SYNE2: variants seen among roughly 807,000 people sequenced by gnomAD.
SYNE2 encodes the protein spectrin repeat containing nuclear envelope protein 2, also known as nesprin-2.
A neutral mutation model predicts 856.3 loss-of-function variants in SYNE2; 431 were observed. The observed-to-expected ratio is 0.50, with a 90% CI of 0.47 to 0.55. The LOEUF (loss-of-function observed/expected upper bound fraction) is 0.55, where lower values mean the gene tolerates loss of function less well. SYNE2 is among the 20% of genes least tolerant of loss of function. The pLI is 0.00. For synonymous variants in SYNE2, 2,923 were observed against 2,872.3 expected, an observed-to-expected ratio of 1.02 and a Z score of -0.56; for missense variants, 8,129 against 8,023.2, an observed-to-expected ratio of 1.01 and a Z score of -0.50.
intron 65 of SYNE2, among the ~76,000 whole-genome samples, chr14:64,108,917 C>G (rs2097788072): frequency 6.6e-6 from 1 of 152,028 alleles, no homozygotes; most frequent in Non-Finnish European, 1.5e-5. Flanking sequence ...ACTCTTCACC[C>G]AGGCTGGAGT....
In SYNE2 at chr14:64,132,292, A is replaced by G. The variant is rs2098030322; in HGVS notation, c.14368A>G (p.Met4790Val). The change falls in exon 77 of 116, where the codon ATG becomes GTG. Residue 4790 changes from methionine to valine, a missense_variant. Met to Val is a conservative substitution (Grantham distance 21). Around this residue, in one of 3 missense-constraint regions of SYNE2, gnomAD observed 5,410 missense variants for 5,284.8 expected, o/e 1.02. Coordinates refer to ENST00000555002, the MANE Select transcript of SYNE2 (RefSeq NM_182914.3). Reference protein sequence around the residue: ...KVFFQKLVADMLLIQAYSAKI... With the variant: ...KVFFQKLVADVLLIQAYSAKI... The stretch of plus-strand genomic sequence containing the variant: ...TTTTTTCCAGAAGCTTGTTGCTGAC[A>G]TGTTGTTGATCCAAGCATACTCTGC... 4 of 1,613,850 alleles carry G rather than the reference A, an allele frequency of 2.5e-6. No homozygotes were observed. The highest frequency in any genetic ancestry group is 1.7e-4 in the Middle Eastern group (1 of 5,788).
At chr14:64,008,323 C>T (rs186563566) in intron 31 of SYNE2, among the ~76,000 whole-genome samples, 4 of 152,288 alleles carry the variant, frequency 2.6e-5, no homozygotes, top group East Asian at 1.9e-4. Flanking sequence ...TGTGAGGTAA[C>T]ATGTAAGGTA....
chr14:63,853,540 C>T (rs976497980), intron 1 of SYNE2, among the ~76,000 whole-genome samples: 1 of 151,684 alleles, frequency 6.6e-6, no homozygotes, highest in Non-Finnish European at 1.5e-5. Flanking sequence ...CCCCGGCCCT[C>T]GGGGGCCGCT....
intron 76 of SYNE2, among the ~76,000 whole-genome samples, chr14:64,131,481 C>T (rs949361183): frequency 2.0e-5 from 3 of 152,308 alleles, no homozygotes; most frequent in Admixed American, 1.3e-4. Flanking sequence ...ACCTGTCTTT[C>T]GAATATGTGG....
chr14:64,104,506 G>C (rs1332123176), intron 64 of SYNE2, among the ~76,000 whole-genome samples: 5 of 146,102 alleles, frequency 3.4e-5, no homozygotes, highest in Non-Finnish European at 6.0e-5. Context: ...CTGGAGTGCA[G>C]TGGTGCGATC....
chr14:63,962,270 GGTCTC>G (rs2096329181), intron 9 of SYNE2, among the ~76,000 whole-genome samples: 1 of 151,894 alleles, frequency 6.6e-6, no homozygotes, highest in African/African-American at 2.4e-5. Context: ...TGGCCAGGCT[GGTCTC>G]GAACCCCTGA....
intron 1 of SYNE2, among the ~76,000 whole-genome samples, chr14:63,837,754 C>CA (rs1307512475): frequency 6.6e-6 from 1 of 150,684 alleles, no homozygotes. Context: ...CCTGTCTCTA[C>CA]AAAAAAATGT....
rs2097230479 is a variant in SYNE2 at position 64,051,925 on chromosome 14, A to G, written c.8012A>G (p.Asp2671Gly). The G allele has an allele frequency of 6.2e-7, 1 of 1,613,740 alleles. No individual in the cohort carries two copies. The highest frequency in any genetic ancestry group is 8.5e-7 in the Non-Finnish European group (1 of 1,180,036). ...GNQSMIALTT[D>G]LQATKHGFSV... is the part of the protein sequence containing the mutation. ...CAAAGCATGATTGCCTTGACCACTG[A>G]CCTCCAGGCTACCAAGCATGGATTT... The change falls in exon 48 of 116, where the codon GAC (aspartate) becomes GGC (glycine). Residue 2671 changes from aspartate (D) to glycine (G), a missense_variant. Asp to Gly is a moderately conservative substitution (Grantham distance 94, BLOSUM62 -1). Transcript: ENST00000555002.
intron 105 of SYNE2, 147 bp from the exon 106 acceptor site, chr14:64,214,047 C>A: frequency 8.3e-7 from 1 of 1,210,554 alleles, no homozygotes; most frequent in Non-Finnish European, 1.1e-6. Flanking sequence ...AGAAACAGGA[C>A]CTGGGAACCT....
At chr14:63,835,808 AC>A (rs535046015) in intron 1 of SYNE2, among the ~76,000 whole-genome samples, 22 of 151,702 alleles carry the variant, frequency 1.5e-4, no homozygotes, top group African/African-American at 5.1e-4. Flanking sequence ...ACATGGAGAA[AC>A]CCCGTCTCTA....
intron 1 of SYNE2, among the ~76,000 whole-genome samples, chr14:63,855,754 C>T (rs965366764): frequency 2.0e-5 from 3 of 152,204 alleles, no homozygotes; most frequent in African/African-American, 7.2e-5. Context: ...CTGTCTTTTT[C>T]GGGAGATTTT....
chr14:64,129,008 G>A (rs2097981316), intron 74 of SYNE2, among the ~76,000 whole-genome samples: 1 of 152,246 alleles, frequency 6.6e-6, no homozygotes, highest in African/African-American at 2.4e-5. Context: ...TAAGACAAGT[G>A]CATAAAGATA....
At chr14:63,964,051 C>A (rs77605333) in intron 10 of SYNE2, 51 bp downstream of exon 10, 7 of 1,152,344 alleles carry the variant, frequency 6.1e-6, no homozygotes, top group African/African-American at 3.1e-5. Context: ...AAGAGTTGAG[C>A]GTAAGTATGT....
At chr14:64,037,630 C>T (rs951778898) in intron 45 of SYNE2, among the ~76,000 whole-genome samples, 14 of 151,406 alleles carry the variant, frequency 9.2e-5, no homozygotes, top group Non-Finnish European at 2.1e-4. Context: ...ATGGCCCGTT[C>T]TCAATGAGCT....
rs951388555 is a variant in SYNE2 at position 64,052,864 on chromosome 14, T to C, written c.8951T>C (p.Leu2984Pro). 6.2e-7 allele frequency: 1 copy of C among 1,613,842 alleles called. No individual in the cohort carries two copies. The highest frequency in any genetic ancestry group is 1.3e-5 in the African/African-American group (1 of 75,052). Residue 2984 changes from leucine (L) to proline (P), a missense_variant, in exon 48 of 116, where the codon CTT (leucine) becomes CCT (proline). Around this residue, in one of 3 missense-constraint regions of SYNE2, gnomAD observed 5,410 missense variants for 5,284.8 expected, o/e 1.02. Coordinates refer to ENST00000555002, the MANE Select transcript of SYNE2 (RefSeq NM_182914.3). ...NKGVKEEIYN[L>P]KDRLTAIKCC... The stretch of plus-strand genomic sequence containing the variant: ...GGTGTTAAAGAGGAGATCTATAATC[T>C]TAAAGACAGACTCACCGCTATTAAG...
intron 65 of SYNE2, among the ~76,000 whole-genome samples, chr14:64,109,319 C>T (rs1437918923): frequency 6.6e-6 from 1 of 151,498 alleles, no homozygotes; most frequent in Non-Finnish European, 1.5e-5. Flanking sequence ...AAAATACTTA[C>T]TGAACATTTA....
At chr14:63,766,865 G>C (rs1447270052) in intron 1 of SYNE2, among the ~76,000 whole-genome samples, 1 of 152,102 alleles carries the variant, frequency 6.6e-6, no homozygotes, top group African/African-American at 2.4e-5. Context: ...AGTGAATGAC[G>C]TTGGGATTGA....
Position 64,210,008 on chromosome 14 carries a change from C to T in SYNE2, c.18607C>T (p.Leu6203=). The T allele has an allele frequency of 2.5e-6, 4 of 1,614,156 alleles. No homozygotes were observed. The highest frequency in any genetic ancestry group is 3.4e-6 in the Non-Finnish European group (4 of 1,180,046). The change falls in exon 103 of 116, where the codon CTG becomes TTG. Residue 6203 remains leucine (L), a synonymous_variant. Transcript: ENST00000555002. ...LELINKQYRR[L]ARENRTDTAS... ...GCTCATCAACAAGCAGTACCGGCGG[C>T]TGGCCCGGGAGAACCGCACAGACAC...
rs777030635 is a variant in SYNE2, at chr14:64,167,237, A to G, written c.16610A>G (p.His5537Arg). 3 of 1,614,216 alleles carry G rather than the reference A, an allele frequency of 1.9e-6. No individual in the cohort carries two copies. In the African/African-American group the frequency reaches 4.0e-5, roughly 22 times the overall value. Residue 5537 changes from histidine (H) to arginine (R), a missense_variant, in exon 91 of 116, where the codon CAT becomes CGT. Physicochemically the swap from His to Arg is conservative, Grantham distance 29 (BLOSUM62 0). Around this residue, in one of 3 missense-constraint regions of SYNE2, gnomAD observed 5,410 missense variants for 5,284.8 expected, o/e 1.02. Coordinates refer to ENST00000555002, the MANE Select transcript of SYNE2 (RefSeq NM_182914.3). ...ACTTCAATTTTTTAAAAATAGAATC[A>G]TGTGCTGGCACTGACAGCCCAATCA... ...EKENPDSFLN[H>R]VLALTAQSPD...
Sources: gnomAD v4.1 joint callset for allele counts (sites outside exome capture counted in the v4.1 genomes callset) on GRCh38, gnomAD v4.1.1 for gene constraint, gnomAD v4.1.1 regional missense constraint, MANE v1.5 for transcripts, NCBI Gene and HGNC (gene_info 2026-07-23, HGNC 2026-07-21) for gene names.